ADGRL3: variants seen among roughly 807,000 people sequenced by gnomAD.
ADGRL3 encodes the protein calcium-independent alpha-latrotoxin receptor 3.
Under a neutral mutation model 153.5 loss-of-function variants are expected in ADGRL3, and 62 were observed. That is an observed-to-expected ratio of 0.40 (90% CI 0.33 to 0.50). The LOEUF (loss-of-function observed/expected upper bound fraction) is 0.50, where lower values mean the gene tolerates loss of function less well. Ranked by LOEUF, ADGRL3 falls within the 20% of genes least tolerant of loss-of-function variation. The probability of loss-of-function intolerance (pLI) is 0.47; values close to 1 mark genes in which losing one functional copy is unlikely to be tolerated. For missense variants in ADGRL3, 1,641 were observed against 1,859.4 expected (o/e 0.88, Z 2.16); for synonymous variants, 710 against 672.5 (o/e 1.06, Z -0.86).
At chr4:61,878,789 T>C (rs529510058) in intron 9 of ADGRL3, among the ~76,000 whole-genome samples, 27 of 152,278 alleles carry the variant, frequency 1.8e-4, no homozygotes, top group African/African-American at 6.3e-4. Context: ...GGGGTAAAAT[T>C]TGGTCTGCAG....
At chr4:61,853,258 G>A (rs1173698714) in intron 9 of ADGRL3, among the ~76,000 whole-genome samples, 1 of 152,106 alleles carries the variant, frequency 6.6e-6, no homozygotes, top group East Asian at 1.9e-4. Context: ...GTTTGAAGGG[G>A]CTCCTTATGA....
chr4:61,389,069 G>T (rs1010398819), intron 2 of ADGRL3, among the ~76,000 whole-genome samples: 1 of 151,806 alleles, frequency 6.6e-6, no homozygotes, highest in Non-Finnish European at 1.5e-5. Flanking sequence ...CTTTTATATT[G>T]CACCATTGGC....
intron 2 of ADGRL3, among the ~76,000 whole-genome samples, chr4:61,407,392 TTAAA>T (rs761158450): frequency 5.9e-5 from 9 of 152,134 alleles, no homozygotes; most frequent in Non-Finnish European, 1.3e-4. Flanking sequence ...CTTTTAAAAC[TTAAA>T]TAAAGTCTGA....
intron 9 of ADGRL3, among the ~76,000 whole-genome samples, chr4:61,892,156 C>T (rs865924300): frequency 1.4e-5 from 2 of 147,386 alleles, no homozygotes; most frequent in African/African-American, 5.0e-5. Context: ...TATTTTTTAG[C>T]TTGTCAGCAG....
chr4:61,236,648 T>G (rs933967104), intron 1 of ADGRL3, among the ~76,000 whole-genome samples: 2 of 152,140 alleles, frequency 1.3e-5, no homozygotes, highest in African/African-American at 4.8e-5. Flanking sequence ...TCTTTAATGA[T>G]TTTTAGCCTC....
chr4:61,376,515 C>T (rs768582276), intron 1 of ADGRL3, among the ~76,000 whole-genome samples: 1 of 151,978 alleles, frequency 6.6e-6, no homozygotes, highest in Non-Finnish European at 1.5e-5. Context: ...CAGACATGGG[C>T]TGCTGACTAC....
chr4:61,536,301 C>CAT (rs1280228261), intron 4 of ADGRL3, among the ~76,000 whole-genome samples: 3 of 152,024 alleles, frequency 2.0e-5, no homozygotes. Flanking sequence ...TATCGCCAAG[C>CAT]ATATGGTCAG....
chr4:62,027,983 C>G (rs927564856), intron 21 of ADGRL3, among the ~76,000 whole-genome samples: 1 of 151,822 alleles, frequency 6.6e-6, no homozygotes, highest in African/African-American at 2.4e-5. Context: ...GAGTTTTCAT[C>G]AGTGGTTCTC....
At chr4:61,367,536 T>C (rs2096427112) in intron 1 of ADGRL3, among the ~76,000 whole-genome samples, 1 of 150,892 alleles carries the variant, frequency 6.6e-6, no homozygotes. Context: ...TGATTTCCAA[T>C]TTCATCCATG....
intron 6 of ADGRL3, among the ~76,000 whole-genome samples, chr4:61,723,804 A>G (rs937086673): frequency 7.9e-5 from 12 of 152,260 alleles, no homozygotes; most frequent in African/African-American, 2.6e-4. Context: ...TTAGAAAAGA[A>G]ATGTTTTGGG....
chr4:61,400,262 G>A (rs1373575167), intron 2 of ADGRL3, among the ~76,000 whole-genome samples: 1 of 151,592 alleles, frequency 6.6e-6, no homozygotes, highest in Non-Finnish European at 1.5e-5. Flanking sequence ...TATTACCAGT[G>A]GATTTGAGGA....
At chr4:61,203,200 C>T (rs1028649192) in intron 1 of ADGRL3, among the ~76,000 whole-genome samples, 2 of 152,194 alleles carry the variant, frequency 1.3e-5, no homozygotes, top group Admixed American at 1.3e-4. Flanking sequence ...TGGCCACTTT[C>T]CTACCTCTGA....
chr4:61,922,362 A>G (rs1446358725), intron 13 of ADGRL3, among the ~76,000 whole-genome samples: 1 of 152,232 alleles, frequency 6.6e-6, no homozygotes, highest in Non-Finnish European at 1.5e-5. Flanking sequence ...AAATTGATCA[A>G]GTCTTATAGA....
At chr4:61,888,700 G>T (rs1387894438) in intron 9 of ADGRL3, among the ~76,000 whole-genome samples, 1 of 152,106 alleles carries the variant, frequency 6.6e-6, no homozygotes, top group African/African-American at 2.4e-5. Context: ...TCTCTCTGTG[G>T]CACAGTTCCA....
chr4:61,456,434 T>TATAGATATATCTATATCTATAG (rs2097752124), intron 2 of ADGRL3, among the ~76,000 whole-genome samples: 2 of 123,790 alleles, frequency 1.6e-5, no homozygotes, highest in African/African-American at 6.4e-5. Context: ...TATATCTATA[T>TATAGATATATCTATATCTATAG]ATATAGATAT....
chr4:61,795,556 T>C (rs939388569), intron 8 of ADGRL3, among the ~76,000 whole-genome samples: 3 of 152,146 alleles, frequency 2.0e-5, no homozygotes, highest in Admixed American at 6.5e-5. Flanking sequence ...GTCTAGAGAG[T>C]ATATATTGTA....
At chr4:61,877,795 A>C (rs1036244990) in intron 9 of ADGRL3, among the ~76,000 whole-genome samples, 5 of 152,106 alleles carry the variant, frequency 3.3e-5, no homozygotes, top group Admixed American at 1.3e-4. Flanking sequence ...CTTATCTCAA[A>C]TTGTAATACC....
chr4:61,823,207 T>C (rs1324691651), intron 9 of ADGRL3, among the ~76,000 whole-genome samples: 1 of 152,200 alleles, frequency 6.6e-6, no homozygotes, highest in African/African-American at 2.4e-5. Flanking sequence ...CTCATTGTCT[T>C]ACTTTGTTTT....
chr4:61,957,752 A>C (rs1443866652), intron 17 of ADGRL3, among the ~76,000 whole-genome samples: 2 of 151,762 alleles, frequency 1.3e-5, no homozygotes, highest in East Asian at 3.9e-4. Context: ...TGTTTTGATT[A>C]TTTCTTAAAT....
Sources: gnomAD v4.1 joint callset for allele counts (sites outside exome capture counted in the v4.1 genomes callset) on GRCh38, gnomAD v4.1.1 for gene constraint, MANE v1.5 for transcripts, NCBI Gene and HGNC (gene_info 2026-07-23, HGNC 2026-07-21) for gene names.